The following EPB41L5 variants were observed in gnomAD, a reference collection of about 807,000 sequenced individuals.
EPB41L5 encodes the protein band 4.1-like protein 5.
Under a neutral mutation model 106.6 loss-of-function variants are expected in EPB41L5, and 55 were observed. That is an observed-to-expected ratio of 0.52 (90% confidence interval 0.42 to 0.65). The LOEUF is 0.65. EPB41L5 is among the 30% of genes least tolerant of loss of function. EPB41L5 has a pLI of 0.00. For synonymous variants in EPB41L5, 297 were observed against 306.7 expected, an observed-to-expected ratio of 0.97 and a Z score of 0.33; for missense variants, 871 against 882.1, an observed-to-expected ratio of 0.99 and a Z score of 0.16.
chr2:120,162,972 GT>G (rs1558915039), intron 21 of EPB41L5, among the ~76,000 whole-genome samples: 1 of 152,204 alleles, frequency 6.6e-6, no homozygotes, highest in Non-Finnish European at 1.5e-5. Context: ...GTGTAAATGG[GT>G]GGCTAAGTGT....
In EPB41L5 at chr2:120,090,334, T is replaced by C; in HGVS notation, c.874-13T>C. 2 of 1,584,758 alleles carry C rather than the reference T, an allele frequency of 1.3e-6. No individual in the cohort carries two copies. Among genetic ancestry groups the C allele is most frequent in the Non-Finnish European group, 1.7e-6 (2 of 1,168,728 alleles). On this transcript the variant is annotated splice_polypyrimidine_tract_variant and intron_variant, in intron 11 of 24. Transcript: ENST00000263713. ...TTAGTAATCATCCTTTTATATATAC[T>C]TTTCTTTTTCAGGGCAAAGAACAGG... is the stretch of plus-strand genomic sequence containing the variant.
rs1013928193 is a variant in EPB41L5, at chr2:120,104,531, A to G, written c.1337+3717A>G. On this transcript the variant is annotated intron_variant, in intron 16 of 24. Coordinates refer to ENST00000263713, the MANE Select transcript of EPB41L5 (RefSeq NM_020909.4). ...GTATGTTCACACATCACCAGACTGTATCTCAGGAGAAGGTTTGTGTTTGTG... is the reference window on the plus strand; with the variant it reads ...GTATGTTCACACATCACCAGACTGTGTCTCAGGAGAAGGTTTGTGTTTGTG... 9.6e-6 allele frequency: 10 copies of G among 1,036,468 alleles called. No individual in the cohort carries two copies. The South Asian group carries it at 4.0e-4, about 41-fold the overall frequency. The allele number at this position is 1,036,468 out of a possible 1,614,324, so 64.2% of individuals were successfully genotyped here. A position where few individuals can be genotyped will look rare whatever the true frequency, so the allele number is the denominator to read the frequency against.
chr2:120,077,881 C>T, intron 9 of EPB41L5, among the ~76,000 whole-genome samples: 1 of 152,118 alleles, frequency 6.6e-6, no homozygotes, highest in Non-Finnish European at 1.5e-5. Flanking sequence ...ACAGGCTTCT[C>T]CCTCTCAGGA....
Position 120,136,881 on chromosome 2 carries a change from A to G in EPB41L5, c.1599+5166A>G, listed in dbSNP as rs143939371. Among the ~76,000 whole-genome samples the G allele has an allele frequency of 3.9e-5, 6 of 152,158 alleles. No homozygotes were observed. In the East Asian group the frequency reaches 1.2e-3, roughly 29 times the overall value. On this transcript the variant is annotated intron_variant, in intron 18 of 24. Transcript: ENST00000263713. ...AAATTGGATTTAATCAGTGTAGACC[A>G]ATGGACCTAATAGAACATTTTATCT...
At chr2:120,174,567 A>G (rs184518761) in intron 24 of EPB41L5, among the ~76,000 whole-genome samples, 1 of 152,314 alleles carries the variant, frequency 6.6e-6, no homozygotes, top group Middle Eastern at 3.4e-3. Flanking sequence ...ACCCTGACTC[A>G]TTAAGAAATG....
At chr2:120,037,902 G>A (rs1679144889) in intron 2 of EPB41L5, among the ~76,000 whole-genome samples, 1 of 152,090 alleles carries the variant, frequency 6.6e-6, no homozygotes, top group Non-Finnish European at 1.5e-5. Context: ...TGTAAAGATG[G>A]CTCAAAGACA....
At chr2:120,171,883 A>G (rs928337451) in intron 24 of EPB41L5, among the ~76,000 whole-genome samples, 2 of 152,048 alleles carry the variant, frequency 1.3e-5, no homozygotes, top group South Asian at 4.1e-4. Flanking sequence ...AATAAAGGCA[A>G]TGTGAATTTT....
At chr2:120,106,196 C>A (rs1052795016) in intron 16 of EPB41L5, 1 of 985,234 alleles carries the variant, frequency 1.0e-6, no homozygotes, top group Non-Finnish European at 1.2e-6. Context: ...AATTGATTTG[C>A]GAATTCCTGA....
chr2:120,050,929 A>G (rs959249882), intron 3 of EPB41L5, among the ~76,000 whole-genome samples: 22 of 152,124 alleles, frequency 1.4e-4, no homozygotes, highest in African/African-American at 5.3e-4. Flanking sequence ...TCTACTACAT[A>G]CCCTGTTTGC....
At chr2:120,091,063 T>C (rs1198587924) in intron 12 of EPB41L5, among the ~76,000 whole-genome samples, 1 of 152,184 alleles carries the variant, frequency 6.6e-6, no homozygotes, top group Non-Finnish European at 1.5e-5. Context: ...GTGGAGTTAA[T>C]AGAAGTAGTA....
chr2:120,107,367 C>G (rs1684511704), intron 16 of EPB41L5, among the ~76,000 whole-genome samples: 1 of 152,134 alleles, frequency 6.6e-6, no homozygotes, highest in Non-Finnish European at 1.5e-5. Context: ...GGTATTAGGA[C>G]TTATGGATTT....
chr2:120,115,337 A>G (rs979280677), intron 16 of EPB41L5, among the ~76,000 whole-genome samples: 4 of 152,086 alleles, frequency 2.6e-5, no homozygotes, highest in African/African-American at 9.7e-5. Flanking sequence ...TTCTTCCATT[A>G]CTGCCTTTTG....
intron 3 of EPB41L5, among the ~76,000 whole-genome samples, chr2:120,064,858 T>C (rs577080855): frequency 2.6e-5 from 4 of 152,232 alleles, no homozygotes; most frequent in African/African-American, 9.6e-5. Flanking sequence ...GCCTCGGTCT[T>C]GGAATGTGGA....
At chr2:120,061,604 G>T (rs916957279) in intron 3 of EPB41L5, among the ~76,000 whole-genome samples, 1 of 151,906 alleles carries the variant, frequency 6.6e-6, no homozygotes, top group African/African-American at 2.4e-5. Context: ...TGCCCTCCTC[G>T]GCCTCCCAAA....
At chr2:120,123,150 GT>G (rs199614887) in intron 16 of EPB41L5, among the ~76,000 whole-genome samples, 1 of 149,032 alleles carries the variant, frequency 6.7e-6, no homozygotes, top group South Asian at 2.1e-4. Flanking sequence ...ACAAAGTTTT[GT>G]TTTTTTTTCA....
At position 120,127,867 on chromosome 2, in the gene EPB41L5, A is replaced by G. The variant is rs189870393; in HGVS notation, c.1501+16A>G. 5.5e-4 allele frequency: 864 copies of G among 1,578,452 alleles called. 6 individuals carry two copies. In the South Asian group the frequency reaches 6.9e-3, roughly 13 times the overall value. On this transcript the variant is annotated intron_variant, in intron 17 of 24. Coordinates refer to ENST00000263713, the MANE Select transcript of EPB41L5 (RefSeq NM_020909.4). ...GAATATGAGAGTAAGTAAATGTTCC[A>G]TTATACATCAGTGATACCTTTTTAT...
At chr2:120,085,256 T>A (rs1275512140) in intron 10 of EPB41L5, among the ~76,000 whole-genome samples, 2 of 152,232 alleles carry the variant, frequency 1.3e-5, no homozygotes, top group Non-Finnish European at 2.9e-5. Context: ...TGTGGTTTTA[T>A]CTACCTTTGG....
At chr2:120,137,849 T>A (rs770754019) in intron 18 of EPB41L5, among the ~76,000 whole-genome samples, 2 of 152,102 alleles carry the variant, frequency 1.3e-5, no homozygotes, top group Admixed American at 6.6e-5. Flanking sequence ...CCAAATTCAT[T>A]TTATGAGATC....
intron 3 of EPB41L5, among the ~76,000 whole-genome samples, chr2:120,060,867 G>A (rs1680991691): frequency 2.0e-5 from 3 of 151,998 alleles, no homozygotes; most frequent in Non-Finnish European, 4.4e-5. Flanking sequence ...AACTTTGTGT[G>A]AATCTCTAAT....
Sources: gnomAD v4.1 joint callset for allele counts (sites outside exome capture counted in the v4.1 genomes callset) on GRCh38, gnomAD v4.1.1 for gene constraint, MANE v1.5 for transcripts, NCBI Gene and HGNC (gene_info 2026-07-23, HGNC 2026-07-21) for gene names.